CSMD1: variants seen among roughly 807,000 people sequenced by gnomAD.
The protein encoded by CSMD1 is CUB and sushi domain-containing protein 1.
A neutral mutation model predicts 417.5 loss-of-function variants in CSMD1; 213 were observed. The observed-to-expected ratio is 0.51, with a 90% confidence interval of 0.46 to 0.57. The LOEUF is 0.57. Among genes scored for constraint, CSMD1 ranks in the 20% least tolerant of loss-of-function variants. CSMD1 has a pLI of 0.00. For synonymous variants in CSMD1, 2,862 were observed against 1,736.8 expected (o/e 1.65, Z -16.11); for missense variants, 6,923 against 4,529.7 (o/e 1.53, Z -15.17).
At chr8:3,247,814 A>C (rs1184401231) in intron 26 of CSMD1, among the ~76,000 whole-genome samples, 2 of 152,242 alleles carry the variant, frequency 1.3e-5, no homozygotes, top group Non-Finnish European at 2.9e-5. Context: ...ATCACAATGA[A>C]ACCTCCAATC....
At chr8:4,129,745 G>C (rs1206807078) in intron 3 of CSMD1, among the ~76,000 whole-genome samples, 2 of 151,798 alleles carry the variant, frequency 1.3e-5, no homozygotes, top group African/African-American at 4.8e-5. Flanking sequence ...TTTCAATCTG[G>C]AAATAACCAT....
chr8:3,974,680 T>C lies in CSMD1; in HGVS notation c.818+23223A>G, dbSNP rs980352116. ...TTAAAAACAGCGTGCAGCTCTTTTT[T>C]TTTTTACATAACAGAATGAAAATTT... On this transcript the variant is annotated intron_variant, in intron 5 of 69. Coordinates refer to ENST00000635120, the MANE Select transcript of CSMD1 (RefSeq NM_033225.6). Among the ~76,000 whole-genome samples, 28 of 152,104 alleles carry C rather than the reference T, an allele frequency of 1.8e-4. 1 individual carries two copies. In the Middle Eastern group the frequency reaches 0.01, roughly 55 times the overall value.
intron 3 of CSMD1, among the ~76,000 whole-genome samples, chr8:4,206,428 A>G (rs77817008): frequency 6.6e-6 from 1 of 152,004 alleles, no homozygotes; most frequent in African/African-American, 2.4e-5. Context: ...GACTGAGAAC[A>G]TGCGGTGTTT....
intron 5 of CSMD1, among the ~76,000 whole-genome samples, chr8:3,863,794 T>A (rs1413213559): frequency 6.6e-6 from 1 of 152,152 alleles, no homozygotes; most frequent in Non-Finnish European, 1.5e-5. Context: ...TGCTTAAAAA[T>A]TCTACAATCT....
Position 3,201,648 on chromosome 8 carries a change from C to G in CSMD1, c.5062G>C (p.Ala1688Pro). 1 of 1,605,608 alleles carries G rather than the reference C, an allele frequency of 6.2e-7. No homozygotes were observed. The highest frequency in any genetic ancestry group is 2.2e-5 in the East Asian group (1 of 44,664). ...AELFDGTHAQ[A>P]RLLSSLSGSH... is the part of the protein sequence containing the mutation. The stretch of plus-strand genomic sequence containing the variant: ...CCCGAGAGTGAGCTGAGAAGTCTGG[C>G]CTGTGCATGGGTTCCATCAAATAAT... The change falls in exon 32 of 70, where the codon GCC (alanine) becomes CCC (proline). Residue 1688 changes from alanine to proline, a missense_variant. By Grantham distance (27) the Ala-to-Pro change is conservative (BLOSUM62 -1). Transcript: ENST00000635120.
intron 3 of CSMD1, among the ~76,000 whole-genome samples, chr8:4,082,456 G>T (rs568648292): frequency 6.6e-6 from 1 of 152,098 alleles, no homozygotes; most frequent in Non-Finnish European, 1.5e-5. Context: ...GGCAAAGATT[G>T]CCTAAGTAGT....
chr8:4,550,716 C>T (rs1023839347), intron 2 of CSMD1, among the ~76,000 whole-genome samples: 2 of 152,176 alleles, frequency 1.3e-5, no homozygotes, highest in South Asian at 2.1e-4. Flanking sequence ...ATCCAGTCCA[C>T]AGTGTCACAT....
intron 1 of CSMD1, among the ~76,000 whole-genome samples, chr8:4,819,746 T>G (rs958397352): frequency 6.6e-6 from 1 of 152,138 alleles, no homozygotes; most frequent in African/African-American, 2.4e-5. Context: ...AATGCTCATG[T>G]AGAGAGGGAC....
intron 1 of CSMD1, among the ~76,000 whole-genome samples, chr8:4,696,251 G>A (rs1036830778): frequency 6.6e-6 from 1 of 152,178 alleles, no homozygotes; most frequent in African/African-American, 2.4e-5. Flanking sequence ...ATACACATAA[G>A]AATTCAATAG....
chr8:3,481,619 G>A (rs1212024673), intron 11 of CSMD1, among the ~76,000 whole-genome samples: 4 of 152,180 alleles, frequency 2.6e-5, no homozygotes, highest in South Asian at 2.1e-4. Context: ...GTGGGGGATT[G>A]TCCTGAATGA....
intron 4 of CSMD1, among the ~76,000 whole-genome samples, chr8:4,010,583 G>A (rs191194383): frequency 6.6e-6 from 1 of 150,976 alleles, no homozygotes; most frequent in Non-Finnish European, 1.5e-5. Context: ...TACAGCTGCA[G>A]TCTGACTACA....
chr8:3,512,118 G>C (rs1271229690), intron 10 of CSMD1, among the ~76,000 whole-genome samples: 1 of 152,084 alleles, frequency 6.6e-6, no homozygotes, highest in Non-Finnish European at 1.5e-5. Context: ...CATCCTGCCT[G>C]GACTGTGGCC....
chr8:4,858,925 C>T (rs977086081), intron 1 of CSMD1, among the ~76,000 whole-genome samples: 1 of 151,028 alleles, frequency 6.6e-6, no homozygotes, highest in African/African-American at 2.4e-5. Flanking sequence ...CTTTAAAGGT[C>T]ATATGGAACC....
At chr8:4,957,206 C>T (rs1252850931) in intron 1 of CSMD1, among the ~76,000 whole-genome samples, 1 of 152,164 alleles carries the variant, frequency 6.6e-6, no homozygotes, top group East Asian at 1.9e-4. Context: ...AAAGCTATAG[C>T]AAACTGTTCT....
intron 3 of CSMD1, among the ~76,000 whole-genome samples, chr8:4,321,586 G>C (rs1799277921): frequency 6.6e-6 from 1 of 152,094 alleles, no homozygotes; most frequent in Non-Finnish European, 1.5e-5. Flanking sequence ...TGAGTATCTG[G>C]TATATAACAG....
chr8:4,199,617 A>C (rs1799535307), intron 3 of CSMD1, among the ~76,000 whole-genome samples: 2 of 152,162 alleles, frequency 1.3e-5, no homozygotes, highest in African/African-American at 4.8e-5. Context: ...AACGCCTTGC[A>C]TTTTGCTTTG....
chr8:3,445,056 T>G (rs985030182), intron 12 of CSMD1, among the ~76,000 whole-genome samples: 1 of 152,122 alleles, frequency 6.6e-6, no homozygotes, highest in African/African-American at 2.4e-5. Flanking sequence ...GGAGATGCAA[T>G]CGGCAAAATG....
intron 7 of CSMD1, among the ~76,000 whole-genome samples, chr8:3,653,455 C>G (rs1332781616): frequency 6.6e-6 from 1 of 152,000 alleles, no homozygotes; most frequent in African/African-American, 2.4e-5. Flanking sequence ...ATTATAGGTG[C>G]CCAACACCAC....
At chr8:4,141,403 C>T (rs1190031610) in intron 3 of CSMD1, among the ~76,000 whole-genome samples, 1 of 151,170 alleles carries the variant, frequency 6.6e-6, no homozygotes, top group Non-Finnish European at 1.5e-5. Context: ...AAAGATTTGG[C>T]TAAACAAAGG....
Sources: gnomAD v4.1 joint callset for allele counts (sites outside exome capture counted in the v4.1 genomes callset) on GRCh38, gnomAD v4.1.1 for gene constraint, MANE v1.5 for transcripts, NCBI Gene and HGNC (gene_info 2026-07-23, HGNC 2026-07-21) for gene names.